The following DMD variants were observed in gnomAD, a reference collection of about 807,000 sequenced individuals.
DMD encodes the protein dystrophin.
A neutral mutation model predicts 330.1 loss-of-function variants in DMD; 63 were observed. That is an observed-to-expected ratio of 0.19 (90% CI 0.16 to 0.24). DMD has a LOEUF of 0.24. Ranked by LOEUF, DMD falls within the 10% of genes least tolerant of loss-of-function variation. The probability of loss-of-function intolerance (pLI) is 1.00; values close to 1 mark genes in which losing one functional copy is unlikely to be tolerated. For missense variants in DMD, 3,344 were observed against 2,684.1 expected, an observed-to-expected ratio of 1.25 and a Z score of -5.43; for synonymous variants, 1,223 against 959.8, an observed-to-expected ratio of 1.27 and a Z score of -5.07.
chrX:31,711,087 CA>C (rs773274149), intron 52 of DMD, among the ~76,000 whole-genome samples: 58 of 97,283 alleles, frequency 6.0e-4, no homozygotes, highest in African/African-American at 7.0e-4. Flanking sequence ...GGCTCCAGAC[CA>C]AAAAAAAAAA....
chrX:31,677,635 G>C (rs1398729050), intron 53 of DMD, among the ~76,000 whole-genome samples: 1 of 112,016 alleles, frequency 8.9e-6, no homozygotes, highest in East Asian at 2.8e-4. Flanking sequence ...ATTCATCTAT[G>C]CTCATCCATT....
rs191421533 is a variant in DMD, at chrX:32,892,554, C to T, written c.94-42734G>A. Among the ~76,000 whole-genome samples, 45 of 110,779 alleles carry T rather than the reference C, an allele frequency of 4.1e-4. No homozygotes were observed. In the South Asian group the frequency reaches 8.0e-3, roughly 20 times the overall value. On this transcript the variant is annotated intron_variant, in intron 2 of 78. Transcript: ENST00000357033. Reference sequence around the variant, plus strand: ...GATTACAGGCACCTGCCACCACACCCGGCTAATTTTTTTTTGTATTTGTAG... The same window carrying T: ...GATTACAGGCACCTGCCACCACACCTGGCTAATTTTTTTTTGTATTTGTAG...
At chrX:33,202,168 A>G (rs2051311540) in intron 1 of DMD, among the ~76,000 whole-genome samples, 1 of 111,798 alleles carries the variant, frequency 8.9e-6, no homozygotes, top group Non-Finnish European at 1.9e-5. Context: ...CCTCAATGGG[A>G]CATGTCTAGT....
intron 44 of DMD, among the ~76,000 whole-genome samples, chrX:32,168,557 A>C (rs1289548693): frequency 9.5e-6 from 1 of 105,569 alleles, no homozygotes; most frequent in African/African-American, 3.6e-5. Context: ...AAAAAAAAAA[A>C]AACCAACAAA....
chrX:33,256,652 A>G (rs1023646839), intron 1 of DMD, among the ~76,000 whole-genome samples: 1 of 110,566 alleles, frequency 9.0e-6, no homozygotes, highest in African/African-American at 3.3e-5. Context: ...TATTAATTTT[A>G]TATTTCAGAT....
At chrX:32,225,379 T>C (rs963148689) in intron 43 of DMD, among the ~76,000 whole-genome samples, 2 of 111,941 alleles carry the variant, frequency 1.8e-5, no homozygotes, top group African/African-American at 6.5e-5. Flanking sequence ...ACTCTTAATC[T>C]AGGCTGATTA....
intron 64 of DMD, among the ~76,000 whole-genome samples, chrX:31,218,722 T>A (rs17340588): frequency 0.019 from 2,160 of 111,743 alleles, 96 homozygotes; most frequent in Admixed American, 0.11. Context: ...ATTCCACTTC[T>A]AAGGCATTTC....
At chrX:31,344,039 G>C (rs1160801127) in intron 61 of DMD, among the ~76,000 whole-genome samples, 2 of 58,930 alleles carry the variant, frequency 3.4e-5, no homozygotes, top group African/African-American at 2.2e-4. Flanking sequence ...TTGGAGTGCG[G>C]GGGGGGGTGG....
intron 51 of DMD, among the ~76,000 whole-genome samples, chrX:31,761,915 G>A (rs987952868): frequency 8.9e-5 from 10 of 112,040 alleles, no homozygotes; most frequent in Non-Finnish European, 1.7e-4. Flanking sequence ...CTGCCTATCC[G>A]ATACCCTTTC....
At chrX:32,634,251 G>A (rs1346627842) in intron 11 of DMD, among the ~76,000 whole-genome samples, 1 of 111,795 alleles carries the variant, frequency 8.9e-6, no homozygotes, top group Non-Finnish European at 1.9e-5. Context: ...TCTCCCTTCA[G>A]GGCAGTAAGA....
At chrX:31,192,496 T>C (rs1490858984) in intron 67 of DMD, among the ~76,000 whole-genome samples, 1 of 112,176 alleles carries the variant, frequency 8.9e-6, no homozygotes, top group East Asian at 2.8e-4. Context: ...TGTACAAGAC[T>C]GTTTTCTATA....
At chrX:32,040,237 G>GGT (rs973510383) in intron 44 of DMD, among the ~76,000 whole-genome samples, 1 of 111,100 alleles carries the variant, frequency 9.0e-6, no homozygotes, top group African/African-American at 3.3e-5. Flanking sequence ...TAACTTCACT[G>GGT]GTGTGTGTGT....
chrX:31,987,408 G>A (rs920981113), intron 44 of DMD, among the ~76,000 whole-genome samples: 3 of 111,168 alleles, frequency 2.7e-5, no homozygotes, highest in Non-Finnish European at 3.8e-5. Flanking sequence ...CTTTCTAATC[G>A]TGACTTTGTA....
At chrX:32,836,999 G>C (rs150929545) in intron 4 of DMD, among the ~76,000 whole-genome samples, 132 of 111,375 alleles carry the variant, frequency 1.2e-3, no homozygotes, top group African/African-American at 4.0e-3. Flanking sequence ...CAGAAGAATA[G>C]GAAGGAGTCC....
At chrX:32,915,882 T>C (rs973206246) in intron 2 of DMD, among the ~76,000 whole-genome samples, 1 of 111,601 alleles carries the variant, frequency 9.0e-6, no homozygotes, top group Non-Finnish European at 1.9e-5. Context: ...TCATGGGTAT[T>C]TTGTATGATT....
chrX:31,293,163 GGTGTGT>G (rs762778210), intron 62 of DMD, among the ~76,000 whole-genome samples: 13 of 70,552 alleles, frequency 1.8e-4, no homozygotes, highest in African/African-American at 9.5e-4. Context: ...CCCCCAACCC[GGTGTGT>G]GTGTGTGTGT....
chrX:32,398,336 G>T (rs886989705), intron 30 of DMD, among the ~76,000 whole-genome samples: 1 of 102,865 alleles, frequency 9.7e-6, no homozygotes, highest in Non-Finnish European at 2.0e-5. Context: ...AAGAAGTTTT[G>T]ACTTTTATCA....
intron 7 of DMD, among the ~76,000 whole-genome samples, chrX:32,787,853 G>C (rs1330197915): frequency 5.4e-5 from 6 of 110,735 alleles, no homozygotes; most frequent in African/African-American, 1.6e-4. Context: ...TAACTGGAAA[G>C]ATCAGTTTTC....
At chrX:32,468,387 T>A (rs2040273219) in intron 23 of DMD, 111 bp downstream of exon 23, 1 of 682,982 alleles carries the variant, frequency 1.5e-6, no homozygotes, top group Non-Finnish European at 2.2e-6. Context: ...TCTCACTAAC[T>A]TTGAAAGATG....
Sources: allele counts gnomAD v4.1 joint callset (sites outside exome capture counted in the v4.1 genomes callset), GRCh38; gene constraint gnomAD v4.1.1; transcripts MANE v1.5; gene names NCBI Gene and HGNC (gene_info 2026-07-23, HGNC 2026-07-21).